SYN3: variants seen among roughly 807,000 people sequenced by gnomAD.
SYN3 encodes the protein synapsin-3.
A neutral mutation model predicts 65.8 loss-of-function variants in SYN3; 35 were observed. The ratio of observed to expected loss-of-function variants is 0.53; its 90% CI spans 0.41 to 0.70. SYN3 has a LOEUF of 0.70. Ranked by LOEUF, SYN3 falls within the 30% of genes least tolerant of loss-of-function variation. SYN3 has a pLI of 0.00. For missense variants in SYN3, 680 were observed against 749.0 expected, an observed-to-expected ratio of 0.91 and a Z score of 1.08; for synonymous variants, 270 against 292.9, an observed-to-expected ratio of 0.92 and a Z score of 0.80.
At chr22:32,572,276 TCCCTCCCTCCCTCC>T (rs2058772774) in intron 7 of SYN3, among the ~76,000 whole-genome samples, 2 of 83,524 alleles carry the variant, frequency 2.4e-5, no homozygotes, top group African/African-American at 1.0e-4. Context: ...CCTTCCCCCC[TCCCTCCCTCCCTCC>T]TTCCTTCCTT....
At chr22:32,640,086 C>T (rs1037398610) in intron 6 of SYN3, among the ~76,000 whole-genome samples, 9 of 152,208 alleles carry the variant, frequency 5.9e-5, no homozygotes, top group Non-Finnish European at 1.2e-4. Flanking sequence ...CTGCTTTCCT[C>T]CAACTGAAAT....
At position 32,995,299 on chromosome 22, in the gene SYN3, CAG is replaced by C. The variant is rs528792753; in HGVS notation, c.311+11051_311+11052del. ...GTCTCTTGTTGCTGCCCTCCATAAG[CAG>C]AGAGGCCAGATAAAATCCAGGACAT... On this transcript the variant is annotated intron_variant, in intron 2 of 13. Coordinates refer to ENST00000358763, the MANE Select transcript of SYN3 (RefSeq NM_003490.4). Among the ~76,000 whole-genome samples, 7 of 152,328 alleles carry C rather than the reference CAG, an allele frequency of 4.6e-5. No homozygotes were observed. In the South Asian group the frequency reaches 1.4e-3, roughly 32 times the overall value.
intron 1 of SYN3, among the ~76,000 whole-genome samples, chr22:33,034,333 G>A (rs1046737066): frequency 3.0e-4 from 46 of 150,980 alleles, no homozygotes; most frequent in East Asian, 1.2e-3. Flanking sequence ...TGCAACCTCC[G>A]CCTCCTGGGT....
intron 1 of SYN3, among the ~76,000 whole-genome samples, chr22:33,054,375 A>G (rs73393652): frequency 0.022 from 3,276 of 151,998 alleles, 80 homozygotes; most frequent in East Asian, 0.077. Context: ...GCTCCCATCC[A>G]CCCAACTTTT....
At chr22:32,875,366 G>A (rs1419012922) in intron 4 of SYN3, among the ~76,000 whole-genome samples, 3 of 152,168 alleles carry the variant, frequency 2.0e-5, no homozygotes, top group Non-Finnish European at 4.4e-5. Flanking sequence ...TCTCGTTTCA[G>A]CCTCACAATC....
At chr22:32,730,942 A>G (rs5998601) in intron 6 of SYN3, among the ~76,000 whole-genome samples, 71,419 of 151,902 alleles carry the variant, frequency 0.47, 17,426 homozygotes, top group African/African-American at 0.62. Flanking sequence ...CACCACAAAC[A>G]TCACTTTCCA....
chr22:32,927,572 A>G (rs1472520437), intron 4 of SYN3, among the ~76,000 whole-genome samples: 2 of 152,034 alleles, frequency 1.3e-5, no homozygotes, highest in East Asian at 3.9e-4. Context: ...TTCCCTGACA[A>G]TACAAGGGCC....
intron 4 of SYN3, among the ~76,000 whole-genome samples, chr22:32,913,359 C>T (rs1021312538): frequency 6.6e-6 from 1 of 151,944 alleles, no homozygotes; most frequent in African/African-American, 2.4e-5. Flanking sequence ...GGGGTTTCAC[C>T]ATGTTAGCTA....
At chr22:32,853,100 C>T (rs1471303308) in intron 6 of SYN3, among the ~76,000 whole-genome samples, 2 of 152,184 alleles carry the variant, frequency 1.3e-5, no homozygotes, top group African/African-American at 4.8e-5. Flanking sequence ...GTTTGTCTAA[C>T]CAAATGAGCA....
intron 4 of SYN3, among the ~76,000 whole-genome samples, chr22:32,917,605 A>C (rs1462220599): frequency 6.6e-6 from 1 of 152,176 alleles, no homozygotes; most frequent in Non-Finnish European, 1.5e-5. Flanking sequence ...AGCTGGAGTC[A>C]TTCCGGGTGT....
intron 6 of SYN3, among the ~76,000 whole-genome samples, chr22:32,756,947 C>T (rs1396039405): frequency 6.6e-6 from 1 of 152,116 alleles, no homozygotes; most frequent in Non-Finnish European, 1.5e-5. Flanking sequence ...GTAGGATTGC[C>T]ATTGTCATCA....
At chr22:33,008,724 G>A (rs192981481) in intron 1 of SYN3, among the ~76,000 whole-genome samples, 96 of 151,990 alleles carry the variant, frequency 6.3e-4, no homozygotes, top group Middle Eastern at 3.4e-3. Context: ...GACCAGCCTG[G>A]CCAACAAGGC....
At position 32,527,918 on chromosome 22, in the gene SYN3, C is replaced by G; in HGVS notation, c.1318G>C (p.Gly440Arg). 6.3e-7 allele frequency: 1 copy of G among 1,587,018 alleles called. No homozygotes were observed. Among genetic ancestry groups the G allele is most frequent in the Non-Finnish European group, 8.6e-7 (1 of 1,165,488 alleles). The change falls in exon 12 of 14, where the codon GGA becomes CGA. Residue 440 changes from glycine to arginine, a missense_variant and splice_region_variant. By Grantham distance (125) the Gly-to-Arg change is moderately radical. Transcript: ENST00000358763. ...TGCAGTGGCTCGTCCTGGGTCATAC[C>G]TTGCGGAGGTGGGCGTGGCTGGGGC... ...GQPQPRPPPQ[G>R]GPRQAQSPQP...
intron 9 of SYN3, among the ~76,000 whole-genome samples, chr22:32,534,247 CAG>C (rs2058125393): frequency 2.0e-5 from 3 of 152,122 alleles, no homozygotes; most frequent in African/African-American, 4.8e-5. Context: ...GCTGGCTCTG[CAG>C]TAATGGGGAG....
chr22:32,754,972 C>A (rs1476983736), intron 6 of SYN3, among the ~76,000 whole-genome samples: 1 of 152,198 alleles, frequency 6.6e-6, no homozygotes, highest in Non-Finnish European at 1.5e-5. Context: ...GGACTTCTAA[C>A]CTCTGCTCCC....
At chr22:32,842,377 G>A (rs1225559316) in intron 6 of SYN3, among the ~76,000 whole-genome samples, 1 of 152,058 alleles carries the variant, frequency 6.6e-6, no homozygotes, top group East Asian at 1.9e-4. Flanking sequence ...AGTTCCGAAG[G>A]CCCTTTCCTC....
At chr22:32,867,671 C>T (rs541431265) in intron 5 of SYN3, among the ~76,000 whole-genome samples, 7 of 152,276 alleles carry the variant, frequency 4.6e-5, no homozygotes, top group South Asian at 2.1e-4. Context: ...CAACCTCCAC[C>T]TCCTGGGTTC....
intron 6 of SYN3, among the ~76,000 whole-genome samples, chr22:32,700,101 C>A (rs557745908): frequency 1.3e-5 from 2 of 152,266 alleles, no homozygotes; most frequent in South Asian, 2.1e-4. Flanking sequence ...ATTTTGTATA[C>A]GGTCTCTGAA....
At chr22:32,978,406 G>C (rs1274933223) in intron 3 of SYN3, among the ~76,000 whole-genome samples, 1 of 152,086 alleles carries the variant, frequency 6.6e-6, no homozygotes, top group South Asian at 2.1e-4. Context: ...GGGAGGAGTA[G>C]GGTGGGCGCA....
Sources: gnomAD v4.1 joint callset for allele counts (sites outside exome capture counted in the v4.1 genomes callset) on GRCh38, gnomAD v4.1.1 for gene constraint, MANE v1.5 for transcripts, NCBI Gene and HGNC (gene_info 2026-07-23, HGNC 2026-07-21) for gene names.